PARD3: variants seen among roughly 807,000 people sequenced by gnomAD.
The protein encoded by PARD3 is partitioning defective 3 homolog.
In PARD3, 75 loss-of-function variants were observed where a neutral mutation model predicts 155.4. That is an observed-to-expected ratio of 0.48 (90% CI 0.40 to 0.58). PARD3 has a LOEUF of 0.58. Ranked by LOEUF, PARD3 falls within the 20% of genes least tolerant of loss-of-function variation. PARD3 has a pLI of 0.00. For synonymous variants in PARD3, 576 were observed against 610.5 expected (o/e 0.94, Z 0.83); for missense variants, 1,642 against 1,721.7 (o/e 0.95, Z 0.82).
At chr10:34,331,712 A>C (rs1835636419) in intron 18 of PARD3, among the ~76,000 whole-genome samples, 1 of 152,166 alleles carries the variant, frequency 6.6e-6, no homozygotes, top group African/African-American at 2.4e-5. Context: ...GGAGAAGGCT[A>C]AGGTCAACAA....
chr10:34,623,255 C>T (rs1008580244), intron 2 of PARD3, among the ~76,000 whole-genome samples: 4 of 152,112 alleles, frequency 2.6e-5, no homozygotes, highest in African/African-American at 7.2e-5. Flanking sequence ...CTGTTCCCAC[C>T]CATGAAGGAC....
intron 19 of PARD3, among the ~76,000 whole-genome samples, chr10:34,319,429 G>A (rs1301526057): frequency 1.3e-5 from 2 of 151,680 alleles, no homozygotes; most frequent in African/African-American, 2.4e-5. Context: ...TCTGAACTGC[G>A]AGTTATCTCA....
intron 24 of PARD3, among the ~76,000 whole-genome samples, chr10:34,118,914 T>G (rs1946828993): frequency 6.6e-6 from 1 of 152,234 alleles, no homozygotes; most frequent in African/African-American, 2.4e-5. Flanking sequence ...TTTTTATTCT[T>G]TACTATGCCT....
intron 2 of PARD3, among the ~76,000 whole-genome samples, chr10:34,539,056 A>G (rs1420766822): frequency 6.6e-6 from 1 of 152,204 alleles, no homozygotes; most frequent in Non-Finnish European, 1.5e-5. Context: ...TTACTTGGTG[A>G]ATATTCACAT....
intron 20 of PARD3, among the ~76,000 whole-genome samples, chr10:34,295,247 ACACGGAGATGTGTTGTCT>A (rs1371772690): frequency 6.6e-6 from 1 of 152,204 alleles, no homozygotes; most frequent in African/African-American, 2.4e-5. Flanking sequence ...AGGGGTCAGA[ACACGGAGATGTGTTGTCT>A]CATCTCCAGT....
intron 1 of PARD3, among the ~76,000 whole-genome samples, chr10:34,732,933 G>C (rs61843473): frequency 6.6e-6 from 1 of 152,072 alleles, no homozygotes; most frequent in East Asian, 1.9e-4. Context: ...GACAGCCATC[G>C]GGCACCAGGC....
chr10:34,508,921 T>A (rs1193770378), intron 3 of PARD3, among the ~76,000 whole-genome samples: 1 of 152,208 alleles, frequency 6.6e-6, no homozygotes, highest in Non-Finnish European at 1.5e-5. Flanking sequence ...GCATTAGAAC[T>A]GTGAACATTA....
At chr10:34,379,498 A>G (rs1390485045) in intron 9 of PARD3, among the ~76,000 whole-genome samples, 1 of 152,094 alleles carries the variant, frequency 6.6e-6, no homozygotes, top group South Asian at 2.1e-4. Context: ...CTCTGCTTTC[A>G]TGAAACTCTA....
At chr10:34,652,175 G>T (rs1366477678) in intron 2 of PARD3, among the ~76,000 whole-genome samples, 1 of 152,164 alleles carries the variant, frequency 6.6e-6, no homozygotes, top group African/African-American at 2.4e-5. Flanking sequence ...AAGCAGCTGG[G>T]ACAAGAAGCA....
chr10:34,268,766 C>T (rs908625732), intron 22 of PARD3, among the ~76,000 whole-genome samples: 4 of 151,678 alleles, frequency 2.6e-5, no homozygotes, highest in East Asian at 3.9e-4. Context: ...CATCACACAC[C>T]GGGGCCTGTC....
chr10:34,663,157 T>C (rs776405992), intron 2 of PARD3, among the ~76,000 whole-genome samples: 21 of 152,034 alleles, frequency 1.4e-4, no homozygotes, highest in Non-Finnish European at 2.6e-4. Context: ...ATAATTTCAT[T>C]GTACATTTAA....
chr10:34,214,617 G>A (rs1382156142), intron 22 of PARD3, among the ~76,000 whole-genome samples: 2 of 152,020 alleles, frequency 1.3e-5, no homozygotes, highest in Admixed American at 1.3e-4. Flanking sequence ...AAAAGTTTAA[G>A]ACCAGCCTGG....
intron 2 of PARD3, among the ~76,000 whole-genome samples, chr10:34,594,259 T>C (rs1359195327): frequency 1.3e-5 from 2 of 152,212 alleles, no homozygotes; most frequent in Admixed American, 1.3e-4. Flanking sequence ...ATAATCAATT[T>C]GTAAAAACAA....
chr10:34,595,994 A>C (rs905023406), intron 2 of PARD3, among the ~76,000 whole-genome samples: 1 of 152,210 alleles, frequency 6.6e-6, no homozygotes, highest in Non-Finnish European at 1.5e-5. Flanking sequence ...TGAAGATAAA[A>C]GCTTAATATT....
intron 1 of PARD3, among the ~76,000 whole-genome samples, chr10:34,707,745 G>A (rs1211209806): frequency 6.6e-6 from 1 of 152,158 alleles, no homozygotes; most frequent in Admixed American, 6.5e-5. Flanking sequence ...GATAATCTCA[G>A]TGTTCACTGT....
In PARD3 at chr10:34,269,862, C is replaced by T. The variant is rs570552962; in HGVS notation, c.3214G>A (p.Ala1072Thr). The stretch of plus-strand genomic sequence containing the variant: ...ATTTCAGCATAGTCACGCTCTCGAG[C>T]TTGTCGTTCCCTAAATTCTCGAGTT... ...AKTREFRERQARERDYAEIQD... is the reference protein window; with the variant it reads ...AKTREFRERQTRERDYAEIQD... Residue 1072 changes from alanine to threonine, a missense_variant, in exon 22 of 25, where the codon GCT (alanine) becomes ACT (threonine). Ala to Thr is a moderately conservative substitution (Grantham distance 58). Around this residue, in one of 3 missense-constraint regions of PARD3, gnomAD observed 1,529 missense variants for 1,587.3 expected, o/e 0.96. Transcript: ENST00000374788. 4.3e-6 allele frequency: 7 copies of T among 1,613,674 alleles called. No homozygotes were observed. The highest frequency in any genetic ancestry group is 5.9e-6 in the Non-Finnish European group (7 of 1,179,864).
rs961418577 is a variant in PARD3, at chr10:34,343,487, G to A, written c.2219-1671C>T. ...TAAATGGCAAGAAATCTTCCTCATA[G>A]TAAGAAAATAATTTAGCATTTTTTT... On this transcript the variant is annotated intron_variant, in intron 15 of 24. Coordinates refer to ENST00000374788, the MANE Select transcript of PARD3 (RefSeq NM_001184785.2). 3.0e-6 allele frequency: 3 copies of A among 984,300 alleles called. No homozygotes were observed. The African/African-American group carries it at 5.2e-5, about 17-fold the overall frequency. The allele number at this position is 984,300 out of a possible 1,614,324, so 61.0% of individuals were successfully genotyped here.
At chr10:34,695,368 A>G (rs1213206008) in intron 2 of PARD3, among the ~76,000 whole-genome samples, 1 of 151,954 alleles carries the variant, frequency 6.6e-6, no homozygotes, top group Non-Finnish European at 1.5e-5. Context: ...CCAGCTAGTC[A>G]AAAGGCTGAG....
intron 22 of PARD3, among the ~76,000 whole-genome samples, chr10:34,237,984 G>GA (rs1367427989): frequency 6.6e-6 from 1 of 151,660 alleles, no homozygotes; most frequent in Non-Finnish European, 1.5e-5. Flanking sequence ...AGCAAAAAGA[G>GA]AAAAAAGCAG....
Sources: allele counts gnomAD v4.1 joint callset (sites outside exome capture counted in the v4.1 genomes callset), GRCh38; gene constraint gnomAD v4.1.1; regional missense constraint gnomAD v4.1.1; transcripts MANE v1.5; gene names NCBI Gene and HGNC (gene_info 2026-07-23, HGNC 2026-07-21).